Variants in UNCX observed in about 807,000 individuals in gnomAD.
UNCX encodes UNC homeobox.
In UNCX, 4 loss-of-function variants were observed where a neutral mutation model predicts 14.8. That is an observed-to-expected ratio of 0.27 (90% CI 0.13 to 0.62). The LOEUF (loss-of-function observed/expected upper bound fraction) is 0.62. Among genes scored for constraint, UNCX ranks in the 20% least tolerant of loss-of-function variants. The probability of loss-of-function intolerance (pLI) is 0.86; values close to 1 mark genes in which losing one functional copy is unlikely to be tolerated. For synonymous variants in UNCX, 459 were observed against 395.8 expected, an observed-to-expected ratio of 1.16 and a Z score of -1.90; for missense variants, 749 against 786.8, an observed-to-expected ratio of 0.95 and a Z score of 0.58.
At position 1,235,843 on chromosome 7, in the gene UNCX, A is replaced by T. The variant is rs768470372; in HGVS notation, c.462A>T (p.Gln154His). 1 of 1,610,872 alleles carries T rather than the reference A, an allele frequency of 6.2e-7. No homozygotes were observed. The highest frequency in any genetic ancestry group is 8.5e-7 in the Non-Finnish European group (1 of 1,179,392). Reference sequence around the variant, plus strand: ...TCCGGCTGCTCTAGGTCTGGTTCCAAAACCGCCGGGCCAAGTGGAGGAAGA... The same window carrying T: ...TCCGGCTGCTCTAGGTCTGGTTCCATAACCGCCGGGCCAAGTGGAGGAAGA... Reference protein sequence around the residue: ...LVESRVQVWFQNRRAKWRKKE... With the variant: ...LVESRVQVWFHNRRAKWRKKE... The change falls in exon 3 of 3, where the codon CAA becomes CAT. Residue 154 changes from glutamine (Q) to histidine (H), a missense_variant. Physicochemically the swap from Gln to His is conservative, Grantham distance 24 (BLOSUM62 0). Around this residue, in one of 3 missense-constraint regions of UNCX, gnomAD observed 42 missense variants for 112.9 expected, o/e 0.37. Coordinates refer to ENST00000316333, the MANE Select transcript of UNCX (RefSeq NM_001080461.3).
Position 1,236,746 on chromosome 7 carries a change from G to C in UNCX, c.1365G>C (p.Pro455=). Residue 455 remains proline, a synonymous_variant, in exon 3 of 3, where the codon CCG becomes CCC. Transcript: ENST00000316333. This position sits in a 1 kb window ranked among gnomAD's most constrained non-coding sequence, Gnocchi z 6.9. ...TCGCCTCCCCGGGGGCCCCAGCCCC[G>C]GCCCCGGCGCCTTTCCGGGACCTCG... ...DAVASPGAPA[P]APAPFRDLAS... 1 of 989,494 alleles carries C rather than the reference G, an allele frequency of 1.0e-6. No individual in the cohort carries two copies. The highest frequency in any genetic ancestry group is 1.8e-5 in the African/African-American group (1 of 56,782). 61.3% of individuals were successfully genotyped at this position (989,494 alleles called of 1,614,324 possible).
intron 2 of UNCX, among the ~76,000 whole-genome samples, chr7:1,234,945 C>T (rs1453150300): frequency 1.3e-5 from 2 of 152,008 alleles, no homozygotes; most frequent in Admixed American, 6.5e-5. Context: ...CAGGACTGCC[C>T]GAGCTTCCGC....
chr7:1,235,959 C>A lies in UNCX; in HGVS notation c.578C>A (p.Ala193Glu), dbSNP rs1778730883. 1.9e-5 allele frequency: 30 copies of A among 1,612,226 alleles called. No homozygotes were observed. The highest frequency in any genetic ancestry group is 2.5e-5 in the Non-Finnish European group (30 of 1,179,538). The change falls in exon 3 of 3, where the codon GCG (alanine) becomes GAG (glutamate). Residue 193 changes from alanine to glutamate, a missense_variant. This residue lies in a region of UNCX where 552 missense variants were observed against 507.2 expected (regional missense o/e 1.09). Coordinates refer to ENST00000316333, the MANE Select transcript of UNCX (RefSeq NM_001080461.3). Reference sequence around the variant, plus strand: ...GAGCCCATGGACCCGGAGGAGATCGCGCGCAAGGAGCTGGAGAAGATGGAG... The same window carrying A: ...GAGCCCATGGACCCGGAGGAGATCGAGCGCAAGGAGCTGGAGAAGATGGAG... The part of the protein sequence containing the change: ...SGEPMDPEEI[A>E]RKELEKMEKK...
In UNCX at chr7:1,235,970, C is replaced by G; in HGVS notation, c.589C>G (p.Leu197Val). 1 of 1,611,760 alleles carries G rather than the reference C, an allele frequency of 6.2e-7. No homozygotes were observed. Among genetic ancestry groups the G allele is most frequent in the Non-Finnish European group, 8.5e-7 (1 of 1,179,366 alleles). Reference protein sequence around the residue: ...MDPEEIARKELEKMEKKKRKH... With the variant: ...MDPEEIARKEVEKMEKKKRKH... ...CCCGGAGGAGATCGCGCGCAAGGAG[C>G]TGGAGAAGATGGAGAAGAAGAAGCG... Residue 197 changes from leucine to valine, a missense_variant, in exon 3 of 3, where the codon CTG becomes GTG. Physicochemically the swap from Leu to Val is conservative, Grantham distance 32. Coordinates refer to ENST00000316333, the MANE Select transcript of UNCX (RefSeq NM_001080461.3).
Position 1,233,081 on chromosome 7 carries a change from G to C in UNCX, c.64G>C (p.Val22Leu). The C allele has an allele frequency of 1.4e-6, 2 of 1,440,062 alleles. No individual in the cohort carries two copies. Among genetic ancestry groups the C allele is most frequent in the Non-Finnish European group, 1.8e-6 (2 of 1,096,422 alleles). 89.2% of individuals were successfully genotyped at this position (1,440,062 alleles called of 1,614,324 possible). A position where few individuals can be genotyped will look rare whatever the true frequency, so the allele number is the denominator to read the frequency against. ...AQFGGSLGGV[V>L]GFPYPLGHHH... ...GTTCGGGGGCTCGCTGGGCGGCGTG[G>C]TGGGCTTCCCCTACCCGCTGGGCCA... Residue 22 changes from valine to leucine, a missense_variant, in exon 1 of 3, where the codon GTG (valine) becomes CTG (leucine). Physicochemically the swap from Val to Leu is conservative, Grantham distance 32. Transcript: ENST00000316333. The surrounding 1 kb of genome is among the most constrained non-coding windows in gnomAD (Gnocchi z 5.3).
Position 1,235,874 on chromosome 7 carries a change from A to T in UNCX, c.493A>T (p.Asn165Tyr). The change falls in exon 3 of 3, where the codon AAC becomes TAC. Residue 165 changes from asparagine (N) to tyrosine (Y), a missense_variant. Physicochemically the swap from Asn to Tyr is moderately radical, Grantham distance 143. Around this residue, in one of 3 missense-constraint regions of UNCX, gnomAD observed 42 missense variants for 112.9 expected, o/e 0.37. Coordinates refer to ENST00000316333, the MANE Select transcript of UNCX (RefSeq NM_001080461.3). ...NRRAKWRKKE[N>Y]TKKGPGRPAH... is the part of the protein sequence containing the mutation. ...CCGGGCCAAGTGGAGGAAGAAGGAG[A>T]ACACGAAAAAGGGCCCGGGGCGGCC... is the stretch of plus-strand genomic sequence containing the variant. 1 of 1,612,056 alleles carries T rather than the reference A, an allele frequency of 6.2e-7. No homozygotes were observed. Among genetic ancestry groups the T allele is most frequent in the Non-Finnish European group, 8.5e-7 (1 of 1,179,622 alleles).
In UNCX at chr7:1,236,156, G is replaced by A; in HGVS notation, c.775G>A (p.Ala259Thr). 8.2e-7 allele frequency: 1 copy of A among 1,221,490 alleles called. No homozygotes were observed. The highest frequency in any genetic ancestry group is 1.0e-6 in the Non-Finnish European group (1 of 976,868). 75.7% of individuals were successfully genotyped at this position (1,221,490 alleles called of 1,614,324 possible). Residue 259 changes from alanine (A) to threonine (T), a missense_variant, in exon 3 of 3, where the codon GCG (alanine) becomes ACG (threonine). Ala to Thr is a moderately conservative substitution (Grantham distance 58). Transcript: ENST00000316333. The surrounding 1 kb of genome is among the most constrained non-coding windows in gnomAD (Gnocchi z 6.9). ...PPPPAAKGPG[A>T]HASGAAGTAP... is the part of the protein sequence containing the mutation. ...GCCGCCCGCCGCCAAGGGCCCCGGA[G>A]CGCACGCCTCGGGCGCCGCGGGGAC...
At chr7:1,234,750 CAA>C (rs35439452) in intron 2 of UNCX, among the ~76,000 whole-genome samples, 4,164 of 119,200 alleles carry the variant, frequency 0.035, 168 homozygotes, top group African/African-American at 0.092. Flanking sequence ...GAATTCGCAC[CAA>C]AAAAAAAAAA....
Position 1,236,419 on chromosome 7 carries a change from A to G in UNCX, c.1038A>G (p.Lys346=). Residue 346 remains lysine (K), a synonymous_variant, in exon 3 of 3, where the codon AAA becomes AAG. Coordinates refer to ENST00000316333, the MANE Select transcript of UNCX (RefSeq NM_001080461.3). The surrounding 1 kb of genome is among the most constrained non-coding windows in gnomAD (Gnocchi z 6.9). ...SLLSDSPPRR[K]AASNAAAAAA... The stretch of plus-strand genomic sequence containing the variant: ...TGTCCGACTCGCCGCCGCGCCGGAA[A>G]GCCGCTTCCAACGCCGCCGCCGCCG... 1 of 1,367,162 alleles carries G rather than the reference A, an allele frequency of 7.3e-7. No individual in the cohort carries two copies. The highest frequency in any genetic ancestry group is 9.5e-7 in the Non-Finnish European group (1 of 1,058,176). 84.7% of individuals were successfully genotyped at this position (1,367,162 alleles called of 1,614,324 possible).
rs1309462785 is a variant in UNCX at position 1,236,816 on chromosome 7, G to A, written c.1435G>A (p.Ala479Thr). The change falls in exon 3 of 3, where the codon GCG becomes ACG. Residue 479 changes from alanine to threonine, a missense_variant. Ala to Thr is a moderately conservative substitution (Grantham distance 58). This residue lies in a region of UNCX where 552 missense variants were observed against 507.2 expected (regional missense o/e 1.09). Transcript: ENST00000316333. The surrounding 1 kb of genome is among the most constrained non-coding windows in gnomAD (Gnocchi z 6.9). Reference protein sequence around the residue: ...TEGGGGDCADAGTAGPAPPPP... With the variant: ...TEGGGGDCADTGTAGPAPPPP... ...GGGCGGCGGCGGGGACTGCGCGGAC[G>A]CGGGGACCGCCGGCCCCGCGCCCCC... 3.4e-5 allele frequency: 34 copies of A among 986,994 alleles called. No individual in the cohort carries two copies. Among genetic ancestry groups the A allele is most frequent in the Non-Finnish European group, 4.1e-5 (34 of 832,794 alleles). The allele number at this position is 986,994 out of a possible 1,614,324, so 61.1% of individuals were successfully genotyped here.
chr7:1,236,293 C>G lies in UNCX; in HGVS notation c.912C>G (p.Asp304Glu). The G allele has an allele frequency of 7.3e-7, 1 of 1,373,184 alleles. No homozygotes were observed. The allele number at this position is 1,373,184 out of a possible 1,614,324, so 85.1% of individuals were successfully genotyped here. The change falls in exon 3 of 3, where the codon GAC becomes GAG. Residue 304 changes from aspartate (D) to glutamate (E), a missense_variant. Physicochemically the swap from Asp to Glu is conservative, Grantham distance 45 (BLOSUM62 2). Coordinates refer to ENST00000316333, the MANE Select transcript of UNCX (RefSeq NM_001080461.3). The surrounding 1 kb of genome is among the most constrained non-coding windows in gnomAD (Gnocchi z 6.9). ...GPQPRPGRPA[D>E]KDAASCGPGA... The stretch of plus-strand genomic sequence containing the variant: ...AGCCGCGCCCAGGTCGCCCTGCGGA[C>G]AAGGACGCGGCCTCGTGCGGGCCAG...
rs1336701394 is a variant in UNCX, at chr7:1,233,443, CG to C, written c.275-74del. 2.4e-6 allele frequency: 3 copies of C among 1,234,434 alleles called. No individual in the cohort carries two copies. The highest frequency in any genetic ancestry group is 3.1e-6 in the Non-Finnish European group (3 of 965,180). 76.5% of individuals were successfully genotyped at this position (1,234,434 alleles called of 1,614,324 possible). On this transcript the variant is annotated intron_variant, in intron 1 of 2. Coordinates refer to ENST00000316333, the MANE Select transcript of UNCX (RefSeq NM_001080461.3). The surrounding 1 kb of genome is among the most constrained non-coding windows in gnomAD (Gnocchi z 5.3). ...CCCCCCCCCGGATCCAGGCGGCCAGCGGGTAGCGGGAGGGAGGGGTGGGGGT... is the reference window on the plus strand; with the variant it reads ...CCCCCCCCCGGATCCAGGCGGCCAGCGGTAGCGGGAGGGAGGGGTGGGGGT...
Position 1,236,152 on chromosome 7 carries a change from C to G in UNCX, c.771C>G (p.Pro257=). 2.4e-6 allele frequency: 3 copies of G among 1,228,048 alleles called. No homozygotes were observed. The highest frequency in any genetic ancestry group is 3.1e-6 in the Non-Finnish European group (3 of 980,946). The allele number at this position is 1,228,048 out of a possible 1,614,324, so 76.1% of individuals were successfully genotyped here. A position where few individuals can be genotyped will look rare whatever the true frequency, so the allele number is the denominator to read the frequency against. ...CGCCGCCGCCCGCCGCCAAGGGCCC[C>G]GGAGCGCACGCCTCGGGCGCCGCGG... is the stretch of plus-strand genomic sequence containing the variant. The part of the protein sequence containing the change: ...PEPPPPAAKG[P]GAHASGAAGT... Residue 257 remains proline, a synonymous_variant, in exon 3 of 3, where the codon CCC becomes CCG. Transcript: ENST00000316333. The surrounding 1 kb of genome is among the most constrained non-coding windows in gnomAD (Gnocchi z 6.9).
chr7:1,234,555 C>T (rs1215108847), intron 2 of UNCX, among the ~76,000 whole-genome samples: 3 of 151,056 alleles, frequency 2.0e-5, no homozygotes, highest in Non-Finnish European at 4.4e-5. Context: ...TGGCAAAACG[C>T]CTGTTTATCA....
rs548453742 is a variant in UNCX at position 1,233,422 on chromosome 7, C to CG, written c.275-98_275-97insG. The CG allele has an allele frequency of 6.7e-5, 93 of 1,378,474 alleles. No homozygotes were observed. The highest frequency in any genetic ancestry group is 4.3e-4 in the South Asian group (26 of 60,498). The allele number at this position is 1,378,474 out of a possible 1,614,324, so 85.4% of individuals were successfully genotyped here. The stretch of plus-strand genomic sequence containing the variant: ...CTAGGCGGCCGTCTCTGCGCCCCCC[C>CG]CCCCGGATCCAGGCGGCCAGCGGGT... On this transcript the variant is annotated intron_variant, in intron 1 of 2. Transcript: ENST00000316333. The surrounding 1 kb of genome is among the most constrained non-coding windows in gnomAD (Gnocchi z 5.3).
Position 1,233,264 on chromosome 7 carries a change from G to A in UNCX, c.247G>A (p.Gly83Arg), listed in dbSNP as rs1490201808. Residue 83 changes from glycine (G) to arginine (R), a missense_variant, in exon 1 of 3, where the codon GGG (glycine) becomes AGG (arginine). Gly to Arg is a moderately radical substitution (Grantham distance 125). Around this residue, in one of 3 missense-constraint regions of UNCX, gnomAD observed 155 missense variants for 166.7 expected, o/e 0.93. Coordinates refer to ENST00000316333, the MANE Select transcript of UNCX (RefSeq NM_001080461.3). The surrounding 1 kb of genome is among the most constrained non-coding windows in gnomAD (Gnocchi z 5.3). ...PLLPAACGVG[G>R]DGQPFKLSDS... ...GCTGCCAGCCGCCTGCGGGGTCGGC[G>A]GGGACGGCCAGCCCTTCAAGCTGTC... is the stretch of plus-strand genomic sequence containing the variant. 8 of 1,346,992 alleles carry A rather than the reference G, an allele frequency of 5.9e-6. No individual in the cohort carries two copies. The highest frequency in any genetic ancestry group is 7.6e-6 in the Non-Finnish European group (8 of 1,056,816). The allele number at this position is 1,346,992 out of a possible 1,614,324, so 83.4% of individuals were successfully genotyped here. A position where few individuals can be genotyped will look rare whatever the true frequency, so the allele number is the denominator to read the frequency against.
rs1288598830 is a variant in UNCX at position 1,236,216 on chromosome 7, G to T, written c.835G>T (p.Gly279Cys). 1.5e-6 allele frequency: 2 copies of T among 1,344,474 alleles called. No individual in the cohort carries two copies. Among genetic ancestry groups the T allele is most frequent in the Admixed American group, 2.7e-5 (1 of 36,746 alleles). The allele number at this position is 1,344,474 out of a possible 1,614,324, so 83.3% of individuals were successfully genotyped here. A position where few individuals can be genotyped will look rare whatever the true frequency, so the allele number is the denominator to read the frequency against. ...CCCTCCCGGCGAGCCGCCTGCACCC[G>T]GCACCTGCGACCCCGCCTTCTACCC... is the stretch of plus-strand genomic sequence containing the variant. ...PAPPGEPPAP[G>C]TCDPAFYPSQ... The change falls in exon 3 of 3, where the codon GGC (glycine) becomes TGC (cysteine). Residue 279 changes from glycine to cysteine, a missense_variant. Physicochemically the swap from Gly to Cys is radical, Grantham distance 159. Coordinates refer to ENST00000316333, the MANE Select transcript of UNCX (RefSeq NM_001080461.3). This position sits in a 1 kb window ranked among gnomAD's most constrained non-coding sequence, Gnocchi z 6.9.
chr7:1,234,892 G>C (rs1193840093), intron 2 of UNCX, among the ~76,000 whole-genome samples: 1 of 152,124 alleles, frequency 6.6e-6, no homozygotes, highest in Non-Finnish European at 1.5e-5. Flanking sequence ...TCTCTGTGTG[G>C]CCGCGACAAA....
chr7:1,233,059 CG>C lies in UNCX; in HGVS notation c.47del (p.Gly16AlafsTer127). Reference protein sequence around the residue: ...RLLEHPHAQFGGSLGGVVGFP... With the variant: ...RLLEHPHAQFXGSLGGVVGFP... ...TCCTGGAACACCCGCATGCCCAGTT[CG>C]GGGGCTCGCTGGGCGGCGTGGTGGG... On this transcript the variant is annotated frameshift_variant, in exon 1 of 3. Transcript: ENST00000316333. LOFTEE classifies it high-confidence loss of function. The surrounding 1 kb of genome is among the most constrained non-coding windows in gnomAD (Gnocchi z 5.3). The C allele has an allele frequency of 7.0e-7, 1 of 1,421,146 alleles. No homozygotes were observed. The highest frequency in any genetic ancestry group is 9.2e-7 in the Non-Finnish European group (1 of 1,085,464). 88.0% of individuals were successfully genotyped at this position (1,421,146 alleles called of 1,614,324 possible).
Sources: allele counts gnomAD v4.1 joint callset (sites outside exome capture counted in the v4.1 genomes callset), GRCh38; gene constraint gnomAD v4.1.1; regional missense constraint gnomAD v4.1.1; non-coding constraint Gnocchi (gnomAD v3.1); transcripts MANE v1.5; gene names NCBI Gene and HGNC (gene_info 2026-07-23, HGNC 2026-07-21).